Variants in RRM2 observed in about 807,000 individuals in gnomAD.
The protein encoded by RRM2 is ribonucleotide reductase regulatory subunit M2.
A neutral mutation model predicts 45.9 loss-of-function variants in RRM2; 6 were observed. The ratio of observed to expected loss-of-function variants is 0.13; its 90% CI spans 0.07 to 0.26. RRM2 has a LOEUF of 0.26. Ranked by LOEUF, RRM2 falls within the 10% of genes least tolerant of loss-of-function variation. The pLI, the probability that RRM2 is intolerant of heterozygous loss-of-function variation, is 1.00. For missense variants in RRM2, 343 were observed against 489.5 expected, an observed-to-expected ratio of 0.70 and a Z score of 2.82; for synonymous variants, 177 against 173.0, an observed-to-expected ratio of 1.02 and a Z score of -0.18.
chr2:10,209,356 C>G (rs769968080), intron 3 of RRM2, among the ~76,000 whole-genome samples: 1 of 152,110 alleles, frequency 6.6e-6, no homozygotes. Flanking sequence ...CCGCACCCAG[C>G]CTGGAAAGTA....
intron 3 of RRM2, among the ~76,000 whole-genome samples, chr2:10,177,629 T>C (rs1359065762): frequency 1.3e-5 from 2 of 152,114 alleles, no homozygotes; most frequent in Admixed American, 6.6e-5. Context: ...ACAGTTCCAA[T>C]GCTACAAGGA....
rs1258841951 is a variant in RRM2 at position 10,199,290 on chromosome 2, G to GA, written n.483-11021_483-11020insA. On this transcript the variant is annotated intron_variant and non_coding_transcript_variant, in intron 3 of 3. Transcript: ENST00000381786. ...TGATCTCCAGCTAGAAAAAAAAAAG[G>GA]GGGGGGGGAAGGAAAAGAAAAAGGA... 1.9e-4 allele frequency: 21 copies of GA among 108,980 alleles called. 1 individual carries two copies. The highest frequency in any genetic ancestry group is 6.8e-4 in the African/African-American group (21 of 30,880). The allele number at this position is 108,980 out of a possible 1,614,324, so 6.8% of individuals were successfully genotyped here.
intron 3 of RRM2, among the ~76,000 whole-genome samples, chr2:10,143,564 G>A (rs1202927166): frequency 1.3e-5 from 2 of 152,246 alleles, no homozygotes; most frequent in Non-Finnish European, 2.9e-5. Flanking sequence ...AAGCTGCTGT[G>A]TCTGACACGG....
At chr2:10,152,677 T>G (rs996644716) in intron 3 of RRM2, among the ~76,000 whole-genome samples, 2 of 151,716 alleles carry the variant, frequency 1.3e-5, no homozygotes, top group Non-Finnish European at 2.9e-5. Flanking sequence ...GATATGCAGT[T>G]TCACCATGTT....
At chr2:10,158,816 T>C (rs920871915) in intron 3 of RRM2, among the ~76,000 whole-genome samples, 7 of 152,058 alleles carry the variant, frequency 4.6e-5, no homozygotes, top group Admixed American at 3.3e-4. Context: ...GCTGGGTGCT[T>C]CCGAGGAGTG....
At chr2:10,147,006 G>A (rs1044001954) in intron 3 of RRM2, among the ~76,000 whole-genome samples, 3 of 151,846 alleles carry the variant, frequency 2.0e-5, no homozygotes, top group African/African-American at 7.3e-5. Context: ...AGGCTGGAGC[G>A]CAGTGGCGTG....
chr2:10,176,800 A>G (rs906345225), intron 3 of RRM2, among the ~76,000 whole-genome samples: 1 of 152,214 alleles, frequency 6.6e-6, no homozygotes, highest in African/African-American at 2.4e-5. Context: ...ATTATGAATA[A>G]TGCTGTCATT....
chr2:10,178,990 T>G (rs1663989723), intron 3 of RRM2, among the ~76,000 whole-genome samples: 1 of 152,210 alleles, frequency 6.6e-6, no homozygotes, highest in East Asian at 1.9e-4. Flanking sequence ...CCTCCAGAGC[T>G]GTGAGCAATA....
chr2:10,123,200 G>A, intron 2 of RRM2, 143 bp downstream of exon 2: 6 of 1,272,722 alleles, frequency 4.7e-6, no homozygotes, highest in Non-Finnish European at 5.3e-6. Context: ...TGCCTCCCGC[G>A]CCCCTCGGCC....
intron 3 of RRM2, among the ~76,000 whole-genome samples, chr2:10,157,273 G>A (rs1663450460): frequency 6.6e-6 from 1 of 152,066 alleles, no homozygotes; most frequent in Non-Finnish European, 1.5e-5. Flanking sequence ...CAGGTGATCT[G>A]CCTGCCTCTG....
intron 3 of RRM2, chr2:10,145,634 G>A (rs1341603440): frequency 6.6e-6 from 1 of 152,182 alleles, no homozygotes; most frequent in African/African-American, 2.4e-5. Flanking sequence ...GTGGGCCTGG[G>A]GCAGACCCCA....
chr2:10,182,378 CA>C (rs61108972), intron 3 of RRM2, among the ~76,000 whole-genome samples: 31,833 of 151,622 alleles, frequency 0.21, 3,636 homozygotes, highest in East Asian at 0.51. Flanking sequence ...AAAAAAAACC[CA>C]AAAAAAATCC....
At chr2:10,154,170 TA>T (rs1358320945) in intron 3 of RRM2, among the ~76,000 whole-genome samples, 1 of 152,122 alleles carries the variant, frequency 6.6e-6, no homozygotes, top group Non-Finnish European at 1.5e-5. Context: ...AAATGTGAAT[TA>T]AAATTAAATA....
intron 3 of RRM2, among the ~76,000 whole-genome samples, chr2:10,163,961 T>C (rs1199057803): frequency 6.6e-6 from 1 of 151,882 alleles, no homozygotes; most frequent in Non-Finnish European, 1.5e-5. Context: ...GAAATTAGAG[T>C]CCTGTGAGTT....
chr2:10,141,720 G>A, intron 1 of RRM2: 1 of 1,297,052 alleles, frequency 7.7e-7, no homozygotes, highest in Non-Finnish European at 1.1e-6. Context: ...GAAAGAGCAG[G>A]TGAGGGTGGG....
chr2:10,199,051 T>G (rs530275135), intron 3 of RRM2: 1 of 152,258 alleles, frequency 6.6e-6, no homozygotes, highest in Admixed American at 6.5e-5. Flanking sequence ...ATCCAGACCC[T>G]ATAGTTATAA....
intron 3 of RRM2, among the ~76,000 whole-genome samples, chr2:10,150,776 T>TTTG (rs1263138103): frequency 2.6e-4 from 38 of 146,726 alleles, no homozygotes; most frequent in Admixed American, 9.4e-4. Flanking sequence ...GTTGTGTTTT[T>TTTG]TTTTTTTTTT....
chr2:10,170,576 T>A (rs1048121987), intron 3 of RRM2, among the ~76,000 whole-genome samples: 1 of 152,104 alleles, frequency 6.6e-6, no homozygotes, highest in African/African-American at 2.4e-5. Context: ...GGGCAGCTGA[T>A]GAGCTCAGCC....
chr2:10,170,005 G>A (rs1046707854), intron 3 of RRM2, among the ~76,000 whole-genome samples: 9 of 152,150 alleles, frequency 5.9e-5, no homozygotes, highest in South Asian at 2.1e-4. Flanking sequence ...GCTAGGCCAC[G>A]GGAGCAGCTG....
Sources: gnomAD v4.1 joint callset for allele counts (sites outside exome capture counted in the v4.1 genomes callset) on GRCh38, gnomAD v4.1.1 for gene constraint, MANE v1.5 for transcripts, NCBI Gene and HGNC (gene_info 2026-07-23, HGNC 2026-07-21) for gene names.